The following RAB43 variants were observed in gnomAD, a reference collection of about 807,000 sequenced individuals.
The protein encoded by RAB43 is RAB43, member RAS oncogene family.
Under a neutral mutation model 18.8 loss-of-function variants are expected in RAB43, and 6 were observed. That is an observed-to-expected ratio of 0.32 (90% CI 0.17 to 0.63). The LOEUF (loss-of-function observed/expected upper bound fraction) is 0.63, where lower values mean the gene tolerates loss of function less well. Among genes scored for constraint, RAB43 ranks in the 30% least tolerant of loss-of-function variants. The pLI, the probability that RAB43 is intolerant of heterozygous loss-of-function variation, is 0.79. For missense variants in RAB43, 195 were observed against 289.1 expected (o/e 0.67, Z 2.36); for synonymous variants, 103 against 124.1 (o/e 0.83, Z 1.13).
At chr3:129,109,079 A>G (rs1304767447) in intron 1 of RAB43, among the ~76,000 whole-genome samples, 7 of 151,978 alleles carry the variant, frequency 4.6e-5, no homozygotes, top group Non-Finnish European at 8.8e-5. Context: ...AAAAAAAAAA[A>G]TCATGGCTTG....
chr3:129,121,496 G>C lies in RAB43; in HGVS notation c.-7C>G. The stretch of plus-strand genomic sequence containing the variant: ...CTGGGCCCGGCCCTGCCATGGCCTA[G>C]AAGAAGCCGAAGGGCCGGCGCTCTG... On this transcript the variant is annotated 5_prime_UTR_variant, in exon 1 of 3. Transcript: ENST00000315150. 1 of 1,601,006 alleles carries C rather than the reference G, an allele frequency of 6.2e-7. No homozygotes were observed. Among genetic ancestry groups the C allele is most frequent in the South Asian group, 1.1e-5 (1 of 89,462 alleles).
chr3:129,113,741 A>G (rs1346935300), intron 1 of RAB43, among the ~76,000 whole-genome samples: 1 of 152,076 alleles, frequency 6.6e-6, no homozygotes, highest in African/African-American at 2.4e-5. Context: ...GAAAAATCTG[A>G]TATGTGGCCA....
At chr3:129,103,062 A>G (rs937920614) in intron 1 of RAB43, among the ~76,000 whole-genome samples, 1 of 152,144 alleles carries the variant, frequency 6.6e-6, no homozygotes, top group Admixed American at 6.5e-5. Flanking sequence ...AGAGACCAGG[A>G]GCCGACATTA....
upstream of RAB43, chr3:129,121,833 C>T (rs572210497): frequency 4.4e-4 from 70 of 158,190 alleles, no homozygotes; most frequent in African/African-American, 1.7e-3. Context: ...AGCCCGCCCC[C>T]GCCCGCCCCC....
intron 1 of RAB43, among the ~76,000 whole-genome samples, chr3:129,100,910 G>A (rs1934373235): frequency 6.6e-6 from 1 of 152,180 alleles, no homozygotes; most frequent in Non-Finnish European, 1.5e-5. Context: ...AGGTTGAAGC[G>A]ATTCTCCTGC....
intron 1 of RAB43, among the ~76,000 whole-genome samples, chr3:129,112,262 TAA>T (rs372301070): frequency 8.7e-5 from 12 of 137,818 alleles, no homozygotes; most frequent in Non-Finnish European, 9.5e-5. Flanking sequence ...AGACCCTGTT[TAA>T]AAAAAAAAAA....
intron 1 of RAB43, among the ~76,000 whole-genome samples, chr3:129,113,786 T>C (rs776930509): frequency 2.0e-5 from 3 of 152,140 alleles, no homozygotes; most frequent in Admixed American, 6.5e-5. Flanking sequence ...CCCAGCACTT[T>C]GGGAGGCTGA....
chr3:129,120,138 T>C (rs1935812970), intron 1 of RAB43, among the ~76,000 whole-genome samples: 1 of 152,178 alleles, frequency 6.6e-6, no homozygotes, highest in Non-Finnish European at 1.5e-5. Context: ...CCCCGTCACA[T>C]CTACTGAGAG....
chr3:129,097,969 G>A (rs1934164887), intron 1 of RAB43, among the ~76,000 whole-genome samples: 1 of 152,126 alleles, frequency 6.6e-6, no homozygotes, highest in Admixed American at 6.5e-5. Context: ...GAGCTAAGGA[G>A]GCAGAGATCA....
At chr3:129,105,469 CAACAA>C (rs778852710) in intron 1 of RAB43, among the ~76,000 whole-genome samples, 16 of 148,446 alleles carry the variant, frequency 1.1e-4, no homozygotes, top group African/African-American at 3.7e-4. Flanking sequence ...CAAACAACAA[CAACAA>C]AACAAAACAA....
rs1933574672 is a variant in RAB43, at chr3:129,090,483, A to T, written c.*613T>A. On this transcript the variant is annotated 3_prime_UTR_variant, in exon 3 of 3. Coordinates refer to ENST00000315150, the MANE Select transcript of RAB43 (RefSeq NM_198490.3). ...TGTGCTGATGAAAATGAGAAGCTAC[A>T]CAGAAAGTCAGAAAACTCAGAGGTC... 7.4e-6 allele frequency: 1 copy of T among 134,856 alleles called. No homozygotes were observed. The highest frequency in any genetic ancestry group is 2.7e-4 in the South Asian group (1 of 3,688). The allele number at this position is 134,856 out of a possible 1,614,324, so 8.4% of individuals were successfully genotyped here.
At chr3:129,104,932 C>T (rs1934663953) in intron 1 of RAB43, among the ~76,000 whole-genome samples, 1 of 152,196 alleles carries the variant, frequency 6.6e-6, no homozygotes, top group Non-Finnish European at 1.5e-5. Context: ...TGGTCCAACC[C>T]TGAGCAGAAT....
intron 1 of RAB43, among the ~76,000 whole-genome samples, chr3:129,114,815 TG>T (rs1560004773): frequency 6.6e-6 from 1 of 152,158 alleles, no homozygotes. Context: ...CTGATCAGTT[TG>T]GGGTCACTGT....
rs970741271 is a variant in RAB43, at chr3:129,107,891, G to A, written c.205-12722C>T. 2.0e-5 allele frequency among the ~76,000 whole-genome samples: 3 copies of A among 152,044 alleles called. No individual in the cohort carries two copies. Among genetic ancestry groups the A allele is most frequent in the Non-Finnish European group, 2.9e-5 (2 of 68,010 alleles). On this transcript the variant is annotated intron_variant, in intron 1 of 2. Coordinates refer to ENST00000315150, the MANE Select transcript of RAB43 (RefSeq NM_198490.3). This position sits in a 1 kb window ranked among gnomAD's most constrained non-coding sequence, Gnocchi z 4.2. ...CTCACCCTCACCCTCCAAGCCACTC[G>A]GTCACCTCTTCAACTCTCTAGAGCA...
chr3:129,113,545 C>T (rs954641641), intron 1 of RAB43, among the ~76,000 whole-genome samples: 15 of 152,184 alleles, frequency 9.9e-5, no homozygotes, highest in African/African-American at 3.4e-4. Context: ...TTCACGAGCA[C>T]AGGTGAAAAC....
intron 1 of RAB43, among the ~76,000 whole-genome samples, chr3:129,098,108 T>C (rs1469771773): frequency 2.0e-5 from 3 of 152,068 alleles, no homozygotes; most frequent in Non-Finnish European, 2.9e-5. Flanking sequence ...AGACCAGAGA[T>C]AGAGGTTCAG....
chr3:129,094,977 C>T lies in RAB43; in HGVS notation c.388+9G>A. On this transcript the variant is annotated intron_variant, in intron 2 of 2. Coordinates refer to ENST00000315150, the MANE Select transcript of RAB43 (RefSeq NM_198490.3). ...TGGGATTTGTGGTCCCGAGGAATCC[C>T]CAACTCACCGATCAGCAGCTGCACA... 6.2e-7 allele frequency: 1 copy of T among 1,609,592 alleles called. No individual in the cohort carries two copies. Among genetic ancestry groups the T allele is most frequent in the Non-Finnish European group, 8.5e-7 (1 of 1,177,312 alleles).
At chr3:129,099,337 C>A (rs915019757) in intron 1 of RAB43, among the ~76,000 whole-genome samples, 1 of 151,824 alleles carries the variant, frequency 6.6e-6, no homozygotes, top group Non-Finnish European at 1.5e-5. Context: ...GTGATCTGCC[C>A]ACCTCAGCCT....
In RAB43 at chr3:129,107,822, C is replaced by A. The variant is rs1053345729; in HGVS notation, c.205-12653G>T. ...CTCAAACCATCCCTCCAGTTCCCTG[C>A]TACTTTGGTCATCAACGATGGCCCA... is the stretch of plus-strand genomic sequence containing the variant. On this transcript the variant is annotated intron_variant, in intron 1 of 2. Coordinates refer to ENST00000315150, the MANE Select transcript of RAB43 (RefSeq NM_198490.3). The surrounding 1 kb of genome is among the most constrained non-coding windows in gnomAD (Gnocchi z 4.2). Among the ~76,000 whole-genome samples the A allele has an allele frequency of 1.3e-5, 2 of 152,174 alleles. No homozygotes were observed. The highest frequency in any genetic ancestry group is 2.9e-5 in the Non-Finnish European group (2 of 68,026).
Sources: allele counts gnomAD v4.1 joint callset (sites outside exome capture counted in the v4.1 genomes callset), GRCh38; gene constraint gnomAD v4.1.1; non-coding constraint Gnocchi (gnomAD v3.1); transcripts MANE v1.5; gene names NCBI Gene and HGNC (gene_info 2026-07-23, HGNC 2026-07-21).